DCLK2: variants seen among roughly 807,000 people sequenced by gnomAD.
DCLK2 encodes the protein serine/threonine-protein kinase DCLK2.
DCLK2 carries 31 observed loss-of-function variants against 78.4 expected under a neutral mutation model. The ratio of observed to expected loss-of-function variants is 0.40; its 90% CI spans 0.30 to 0.53. DCLK2 has a LOEUF of 0.53. Ranked by LOEUF, DCLK2 falls within the 20% of genes least tolerant of loss-of-function variation. DCLK2 has a pLI of 0.61. For missense variants in DCLK2, 872 were observed against 973.7 expected (o/e 0.90, Z 1.39); for synonymous variants, 407 against 374.9 (o/e 1.09, Z -0.99).
At chr4:150,237,857 A>G (rs1046117599) in intron 10 of DCLK2, among the ~76,000 whole-genome samples, 5 of 152,264 alleles carry the variant, frequency 3.3e-5, no homozygotes, top group Non-Finnish European at 7.3e-5. Flanking sequence ...AACAGGCATT[A>G]CAATGAGTAT....
intron 2 of DCLK2, among the ~76,000 whole-genome samples, chr4:150,127,097 A>T (rs1039225040): frequency 6.6e-6 from 1 of 152,176 alleles, no homozygotes; most frequent in African/African-American, 2.4e-5. Flanking sequence ...AAGGTATATG[A>T]TCTCAATATA....
At position 150,078,574 on chromosome 4, in the gene DCLK2, G is replaced by GCGCCC. The variant is rs1285058490; in HGVS notation, c.-447_-443dup. The stretch of plus-strand genomic sequence containing the variant: ...CCCCCGGGGGCCTCTCCCACGCTCC[G>GCGCCC]CGCCCCGCCCCACCCTTCCTTCCTT... On this transcript the variant is annotated 5_prime_UTR_variant, in exon 1 of 16. Coordinates refer to ENST00000296550, the MANE Select transcript of DCLK2 (RefSeq NM_001040260.4). 6.6e-6 allele frequency: 1 copy of GCGCCC among 151,312 alleles called. No individual in the cohort carries two copies. The highest frequency in any genetic ancestry group is 1.5e-5 in the Non-Finnish European group (1 of 67,844). 9.4% of individuals were successfully genotyped at this position (151,312 alleles called of 1,614,324 possible).
At chr4:150,184,143 G>T (rs934743500) in intron 2 of DCLK2, among the ~76,000 whole-genome samples, 1 of 152,206 alleles carries the variant, frequency 6.6e-6, no homozygotes, top group African/African-American at 2.4e-5. Flanking sequence ...TGCATGTATG[G>T]TGCTCAGTCT....
intron 4 of DCLK2, among the ~76,000 whole-genome samples, chr4:150,201,924 T>C (rs2126442741): frequency 6.6e-6 from 1 of 152,358 alleles, no homozygotes; most frequent in Non-Finnish European, 1.5e-5. Flanking sequence ...TTAAAGACTT[T>C]ATTTTTAAGA....
intron 10 of DCLK2, among the ~76,000 whole-genome samples, chr4:150,239,174 C>T (rs906720432): frequency 4.6e-5 from 7 of 152,128 alleles, no homozygotes; most frequent in East Asian, 1.9e-4. Flanking sequence ...GTGTGTTCAT[C>T]GTACTCCTAG....
intron 4 of DCLK2, chr4:150,199,185 T>C: frequency 3.0e-6 from 3 of 990,728 alleles, no homozygotes; most frequent in Admixed American, 4.0e-5. Flanking sequence ...ATCTGGCTTA[T>C]TCCAGTGCAC....
intron 2 of DCLK2, among the ~76,000 whole-genome samples, chr4:150,179,628 G>A (rs987734614): frequency 6.6e-5 from 10 of 152,142 alleles, no homozygotes; most frequent in African/African-American, 9.6e-5. Flanking sequence ...ATCAATTCCC[G>A]AAAAATGCTG....
At chr4:150,247,183 C>G (rs1245652337) in intron 12 of DCLK2, among the ~76,000 whole-genome samples, 1 of 151,970 alleles carries the variant, frequency 6.6e-6, no homozygotes, top group Non-Finnish European at 1.5e-5. Context: ...TTTGTGGATT[C>G]AAATATTTTC....
intron 2 of DCLK2, among the ~76,000 whole-genome samples, chr4:150,170,394 T>C (rs1003879713): frequency 9.2e-5 from 14 of 152,130 alleles, no homozygotes; most frequent in African/African-American, 2.7e-4. Context: ...CCTGTTGATA[T>C]TTAGCTGGGG....
chr4:150,194,040 C>T (rs1313820949), intron 3 of DCLK2, among the ~76,000 whole-genome samples: 1 of 98,606 alleles, frequency 1.0e-5, no homozygotes, highest in Non-Finnish European at 2.5e-5. Flanking sequence ...CACACACACA[C>T]ACACACACAC....
At chr4:150,227,145 G>A (rs1410619922) in intron 8 of DCLK2, among the ~76,000 whole-genome samples, 1 of 152,094 alleles carries the variant, frequency 6.6e-6, no homozygotes, top group Non-Finnish European at 1.5e-5. Flanking sequence ...GGAATTTTGG[G>A]CTGTTTGGTT....
At chr4:150,134,274 G>T (rs924936234) in intron 2 of DCLK2, among the ~76,000 whole-genome samples, 1 of 151,752 alleles carries the variant, frequency 6.6e-6, no homozygotes, top group Non-Finnish European at 1.5e-5. Flanking sequence ...TAGAGATGCG[G>T]TTTCACCATG....
intron 2 of DCLK2, among the ~76,000 whole-genome samples, chr4:150,175,117 T>TATATATTTATATATTTATATA (rs1491141894): frequency 1.9e-4 from 13 of 69,354 alleles, no homozygotes; most frequent in African/African-American, 3.3e-4. Flanking sequence ...TATATTTATA[T>TATATATTTATATATTTATATA]TTTTTATATA....
intron 2 of DCLK2, among the ~76,000 whole-genome samples, chr4:150,140,541 T>C (rs1734042387): frequency 6.6e-6 from 1 of 152,170 alleles, no homozygotes; most frequent in Non-Finnish European, 1.5e-5. Context: ...AAATGGACTT[T>C]TTCACAAAAG....
At chr4:150,253,639 G>A (rs1481535913) in intron 15 of DCLK2, 29 of 1,274,888 alleles carry the variant, frequency 2.3e-5, no homozygotes, top group Non-Finnish European at 2.6e-5. Context: ...TTCTGATGCC[G>A]CCGTCCGGCT....
chr4:150,151,319 T>C (rs938447887), intron 2 of DCLK2, among the ~76,000 whole-genome samples: 3 of 152,134 alleles, frequency 2.0e-5, no homozygotes, highest in Non-Finnish European at 2.9e-5. Flanking sequence ...TGGGGAAGCA[T>C]CCTAGTCAGT....
intron 10 of DCLK2, 147 bp from the exon 11 acceptor site, chr4:150,239,595 T>G: frequency 9.3e-7 from 1 of 1,069,544 alleles, no homozygotes; most frequent in Admixed American, 2.3e-5. Context: ...AGCGAGACCG[T>G]GTCTTCAAAA....
intron 2 of DCLK2, among the ~76,000 whole-genome samples, chr4:150,123,581 G>A (rs115017041): frequency 0.01 from 1,533 of 152,254 alleles, 9 homozygotes; most frequent in Middle Eastern, 0.02. Context: ...GACGTGAAGC[G>A]AGCACAGGCC....
chr4:150,148,489 C>T (rs1560812545), intron 2 of DCLK2, among the ~76,000 whole-genome samples: 1 of 152,048 alleles, frequency 6.6e-6, no homozygotes, highest in African/African-American at 2.4e-5. Context: ...ACTCAAACCC[C>T]TGGACTGAAG....
Sources: allele counts gnomAD v4.1 joint callset (sites outside exome capture counted in the v4.1 genomes callset), GRCh38; gene constraint gnomAD v4.1.1; transcripts MANE v1.5; gene names NCBI Gene and HGNC (gene_info 2026-07-23, HGNC 2026-07-21).